ESYT2: variants seen among roughly 807,000 people sequenced by gnomAD.
ESYT2 encodes the protein extended synaptotagmin-2.
ESYT2 carries 54 observed loss-of-function variants against 107.2 expected under a neutral mutation model. The ratio of observed to expected loss-of-function variants is 0.50; its 90% CI spans 0.40 to 0.63. The LOEUF (loss-of-function observed/expected upper bound fraction) is 0.63. Ranked by LOEUF, ESYT2 falls within the 30% of genes least tolerant of loss-of-function variation. ESYT2 has a pLI of 0.00. For missense variants in ESYT2, 1,020 were observed against 1,094.5 expected (o/e 0.93, Z 0.96); for synonymous variants, 491 against 434.1 (o/e 1.13, Z -1.63).
intron 6 of ESYT2, among the ~76,000 whole-genome samples, chr7:158,782,672 GAAC>G (rs2129472995): frequency 6.6e-6 from 1 of 152,302 alleles, no homozygotes; most frequent in African/African-American, 2.4e-5. Flanking sequence ...ACAAGTGTGA[GAAC>G]AAATGTGAGA....
intron 1 of ESYT2, among the ~76,000 whole-genome samples, chr7:158,802,139 C>T (rs1342254103): frequency 6.6e-6 from 1 of 152,152 alleles, no homozygotes; most frequent in African/African-American, 2.4e-5. Flanking sequence ...TATATCCAAA[C>T]ATAAAAAAAT....
At chr7:158,797,066 A>G (rs9690419) in intron 3 of ESYT2, among the ~76,000 whole-genome samples, 1,403 of 9,092 alleles carry the variant, frequency 0.15, 51 homozygotes, top group East Asian at 0.47. Flanking sequence ...AGACGGGAAA[A>G]GGCACCACGG....
intron 16 of ESYT2, among the ~76,000 whole-genome samples, chr7:158,744,960 G>C (rs1837348281): frequency 6.6e-6 from 1 of 152,192 alleles, no homozygotes; most frequent in Non-Finnish European, 1.5e-5. Context: ...AGTAAGCATA[G>C]ATTATTTTGA....
chr7:158,734,113 A>C lies in ESYT2; in HGVS notation c.*94T>G. ...AAGGTATGTATAACTAAATCCATGA[A>C]ATTATAAAAATAACATTGGTACGTC... On this transcript the variant is annotated 3_prime_UTR_variant, in exon 23 of 23. Transcript: ENST00000275418. 1 of 1,437,048 alleles carries C rather than the reference A, an allele frequency of 7.0e-7. No individual in the cohort carries two copies. Among genetic ancestry groups the C allele is most frequent in the Non-Finnish European group, 9.7e-7 (1 of 1,035,790 alleles). The allele number at this position is 1,437,048 out of a possible 1,614,324, so 89.0% of individuals were successfully genotyped here. A position where few individuals can be genotyped will look rare whatever the true frequency, so the allele number is the denominator to read the frequency against.
In ESYT2 at chr7:158,759,427, T is replaced by C. The variant is rs1160213020; in HGVS notation, c.1419+59A>G. 5 of 1,366,068 alleles carry C rather than the reference T, an allele frequency of 3.7e-6. No individual in the cohort carries two copies. The Admixed American group carries it at 7.2e-5, about 20-fold the overall frequency. 84.6% of individuals were successfully genotyped at this position (1,366,068 alleles called of 1,614,324 possible). A position where few individuals can be genotyped will look rare whatever the true frequency, so the allele number is the denominator to read the frequency against. The stretch of plus-strand genomic sequence containing the variant: ...AGAGTGCTGCACAAAGCAGTGGTTA[T>C]AAGCAAGAGCAGCTGCTAGGAAATA... On this transcript the variant is annotated intron_variant, in intron 13 of 22. Coordinates refer to ENST00000275418, the MANE Select transcript of ESYT2 (RefSeq NM_001367773.1).
chr7:158,781,996 C>T (rs1013826962), intron 6 of ESYT2, among the ~76,000 whole-genome samples: 5 of 143,596 alleles, frequency 3.5e-5, no homozygotes, highest in East Asian at 2.2e-4. Flanking sequence ...TGTGTAATTA[C>T]GAGAACAAGT....
intron 8 of ESYT2, 96 bp downstream of exon 8, chr7:158,767,558 G>C (rs1464402177): frequency 2.0e-6 from 3 of 1,504,658 alleles, no homozygotes; most frequent in Non-Finnish European, 2.7e-6. Context: ...TGGCTGCTGG[G>C]GAGAGACAAA....
At position 158,735,756 on chromosome 7, in the gene ESYT2, C is replaced by G. The variant is rs1394703528; in HGVS notation, c.2400-148G>C. 1.2e-5 allele frequency: 9 copies of G among 728,936 alleles called. No individual in the cohort carries two copies. The South Asian group carries it at 1.6e-4, about 13-fold the overall frequency. 45.2% of individuals were successfully genotyped at this position (728,936 alleles called of 1,614,324 possible). A position where few individuals can be genotyped will look rare whatever the true frequency, so the allele number is the denominator to read the frequency against. ...GAGTTCTTCTACCTAATGTTTTAAT[C>G]TGGCATTTCAGGAAGACTCAAAAAC... On this transcript the variant is annotated intron_variant, in intron 20 of 22. Transcript: ENST00000275418.
chr7:158,770,591 T>C (rs1211649905), intron 7 of ESYT2, among the ~76,000 whole-genome samples: 1 of 151,900 alleles, frequency 6.6e-6, no homozygotes, highest in East Asian at 1.9e-4. Flanking sequence ...CTTTGCTCAG[T>C]GCAAGCTCCG....
chr7:158,758,890 T>A (rs942356321), intron 13 of ESYT2, among the ~76,000 whole-genome samples: 2 of 152,356 alleles, frequency 1.3e-5, no homozygotes, highest in African/African-American at 4.8e-5. Flanking sequence ...ATTTTTTCTC[T>A]ACGAATGAAC....
rs1839167298 is a variant in ESYT2, at chr7:158,788,032, G to C, written c.719C>G (p.Ala240Gly). The C allele has an allele frequency of 6.2e-7, 1 of 1,613,864 alleles. No individual in the cohort carries two copies. The highest frequency in any genetic ancestry group is 2.2e-5 in the East Asian group (1 of 44,870). ...TTTCCTAAGGAAGAAGATAGACAAA[G>C]CTCCAACTAAGGGCATATCTCCAAT... ...PLIGDMPLVG[A>G]LSIFFLRKPL... The change falls in exon 6 of 23, where the codon GCT (alanine) becomes GGT (glycine). Residue 240 changes from alanine (A) to glycine (G), a missense_variant. By Grantham distance (60) the Ala-to-Gly change is moderately conservative. Transcript: ENST00000275418.
intron 19 of ESYT2, among the ~76,000 whole-genome samples, chr7:158,738,073 T>C (rs914856534): frequency 6.6e-6 from 1 of 152,024 alleles, no homozygotes; most frequent in Non-Finnish European, 1.5e-5. Flanking sequence ...AATTAAAAAT[T>C]AGCCAGGCCT....
intron 13 of ESYT2, among the ~76,000 whole-genome samples, chr7:158,759,051 CA>C (rs1384201396): frequency 6.6e-6 from 1 of 152,206 alleles, no homozygotes; most frequent in Non-Finnish European, 1.5e-5. Flanking sequence ...ACCATTCTGC[CA>C]TCTGATGCCC....
chr7:158,794,582 A>C (rs1839405674), intron 3 of ESYT2, among the ~76,000 whole-genome samples: 1 of 152,108 alleles, frequency 6.6e-6, no homozygotes, highest in African/African-American at 2.4e-5. Context: ...CTTGAGCCTA[A>C]GAGTTTGAGA....
chr7:158,750,725 T>G (rs1837558131), intron 14 of ESYT2, among the ~76,000 whole-genome samples: 1 of 152,244 alleles, frequency 6.6e-6, no homozygotes, highest in African/African-American at 2.4e-5. Context: ...TAAGTTAATT[T>G]TCTCCTTTTT....
At chr7:158,736,738 A>T (rs1836968999) in intron 20 of ESYT2, among the ~76,000 whole-genome samples, 1 of 152,246 alleles carries the variant, frequency 6.6e-6, no homozygotes. Flanking sequence ...TTAATTGATA[A>T]CATAGTTAAG....
intron 14 of ESYT2, among the ~76,000 whole-genome samples, chr7:158,752,253 G>A (rs1395106070): frequency 1.3e-5 from 2 of 152,172 alleles, no homozygotes; most frequent in Non-Finnish European, 2.9e-5. Context: ...ATTTTAGGGA[G>A]TGGAGCTTAG....
At chr7:158,822,616 G>A (rs1050370918) in intron 1 of ESYT2, among the ~76,000 whole-genome samples, 8 of 151,562 alleles carry the variant, frequency 5.3e-5, no homozygotes, top group Admixed American at 4.6e-4. Context: ...TATAAAAAAT[G>A]TTCAAATATA....
intron 11 of ESYT2, among the ~76,000 whole-genome samples, chr7:158,761,248 T>C (rs906090302): frequency 1.3e-5 from 2 of 152,262 alleles, no homozygotes; most frequent in Non-Finnish European, 2.9e-5. Flanking sequence ...TTATGCTTCA[T>C]ATCCGTAAGG....
Sources: allele counts gnomAD v4.1 joint callset (sites outside exome capture counted in the v4.1 genomes callset), GRCh38; gene constraint gnomAD v4.1.1; transcripts MANE v1.5; gene names NCBI Gene and HGNC (gene_info 2026-07-23, HGNC 2026-07-21).